EYS: variants seen among roughly 807,000 people sequenced by gnomAD.
EYS encodes protein eyes shut homolog.
A neutral mutation model predicts 282.1 loss-of-function variants in EYS; 250 were observed. That is an observed-to-expected ratio of 0.89 (90% confidence interval 0.80 to 0.98). The LOEUF (loss-of-function observed/expected upper bound fraction) is 0.98. Ranked by LOEUF, EYS falls within the 50% of genes least tolerant of loss-of-function variation. The probability of loss-of-function intolerance (pLI) is 0.00; values close to 1 mark genes in which losing one functional copy is unlikely to be tolerated. For synonymous variants in EYS, 1,355 were observed against 1,282.9 expected, an observed-to-expected ratio of 1.06 and a Z score of -1.20; for missense variants, 4,016 against 3,709.0, an observed-to-expected ratio of 1.08 and a Z score of -2.15.
At chr6:65,331,399 C>T (rs1037861357) in intron 11 of EYS, 2 of 781,704 alleles carry the variant, frequency 2.6e-6, no homozygotes, top group African/African-American at 1.8e-5. Context: ...AAACATTTTG[C>T]ATATCTTTTG....
intron 19 of EYS, among the ~76,000 whole-genome samples, chr6:64,850,889 A>G (rs1057318041): frequency 5.3e-5 from 8 of 152,094 alleles, no homozygotes; most frequent in African/African-American, 1.4e-4. Context: ...ACATAATTTT[A>G]TTGTAAATTT....
chr6:65,201,537 T>A (rs192370079), intron 12 of EYS, among the ~76,000 whole-genome samples: 1 of 152,186 alleles, frequency 6.6e-6, no homozygotes, highest in Non-Finnish European at 1.5e-5. Context: ...ACGTGGTGAA[T>A]AATGTCATCT....
chr6:64,346,126 T>C (rs940861476), intron 29 of EYS, among the ~76,000 whole-genome samples: 9 of 152,074 alleles, frequency 5.9e-5, no homozygotes, highest in African/African-American at 1.9e-4. Context: ...AGTTCAACCA[T>C]TGTGGAAGTC....
chr6:65,527,176 T>A (rs1767599747), intron 2 of EYS, among the ~76,000 whole-genome samples: 1 of 152,178 alleles, frequency 6.6e-6, no homozygotes, highest in Non-Finnish European at 1.5e-5. Flanking sequence ...AGCAACAACC[T>A]CTTGTGGCCT....
intron 26 of EYS, among the ~76,000 whole-genome samples, chr6:64,520,694 A>G (rs1179509334): frequency 2.0e-5 from 3 of 151,886 alleles, no homozygotes; most frequent in East Asian, 3.9e-4. Context: ...AAGATTTAGT[A>G]CAACATTTTA....
At position 64,703,429 on chromosome 6, in the gene EYS, A is replaced by ATTTTTTTTTTTTTTTT. The variant is rs1554194865; in HGVS notation, c.3444-77200_3444-77185dup. Among the ~76,000 whole-genome samples the ATTTTTTTTTTTTTTTT allele has an allele frequency of 2.1e-4, 5 of 23,362 alleles. 1 individual carries two copies. Among genetic ancestry groups the ATTTTTTTTTTTTTTTT allele is most frequent in the Non-Finnish European group, 4.5e-4 (4 of 8,980 alleles). 15.3% of individuals were successfully genotyped at this position (23,362 alleles called of 152,430 possible). A position where few individuals can be genotyped will look rare whatever the true frequency, so the allele number is the denominator to read the frequency against. ...CACACACATATATATATATATATAT[A>ATTTTTTTTTTTTTTTT]TTTTTTTTTTTTTTTTTTGAGATGG... is the stretch of plus-strand genomic sequence containing the variant. On this transcript the variant is annotated intron_variant, in intron 22 of 42. Coordinates refer to ENST00000503581, the MANE Select transcript of EYS (RefSeq NM_001142800.2).
At chr6:63,723,188 T>TA (rs572374543) in intron 42 of EYS, among the ~76,000 whole-genome samples, 51 of 152,336 alleles carry the variant, frequency 3.3e-4, no homozygotes, top group African/African-American at 1.2e-3. Flanking sequence ...AAAATTGTTT[T>TA]AAAAATTCAT....
At chr6:65,595,469 T>TA (rs200857384) in intron 2 of EYS, among the ~76,000 whole-genome samples, 34 of 147,248 alleles carry the variant, frequency 2.3e-4, no homozygotes, top group South Asian at 6.4e-4. Context: ...AAAGTATAAT[T>TA]AAAAAAAAAA....
chr6:65,271,132 A>ATATATATATATATATATATATATATT (rs1767890057), intron 12 of EYS, among the ~76,000 whole-genome samples: 1 of 110,666 alleles, frequency 9.0e-6, no homozygotes, highest in Admixed American at 8.8e-5. Context: ...AATAGATTAT[A>ATATATATATATATATATATATATATT]TATATATATA....
At chr6:64,297,387 C>CA (rs76441721) in intron 30 of EYS, among the ~76,000 whole-genome samples, 104,291 of 151,980 alleles carry the variant, frequency 0.69, 35,804 homozygotes, top group South Asian at 0.71. Flanking sequence ...CATCCATGCC[C>CA]AGGAAAGGGT....
intron 12 of EYS, among the ~76,000 whole-genome samples, chr6:65,070,635 A>C (rs1773875752): frequency 6.6e-6 from 1 of 151,672 alleles, no homozygotes; most frequent in South Asian, 2.1e-4. Flanking sequence ...CCTGTTACTA[A>C]CTATATCCCA....
chr6:65,311,024 A>G (rs1344068674), intron 11 of EYS, among the ~76,000 whole-genome samples: 9 of 152,092 alleles, frequency 5.9e-5, no homozygotes, highest in Non-Finnish European at 1.3e-4. Flanking sequence ...TATCTGTCAA[A>G]TGAATACGTA....
At chr6:64,301,852 C>T (rs1023588334) in intron 30 of EYS, among the ~76,000 whole-genome samples, 1 of 152,132 alleles carries the variant, frequency 6.6e-6, no homozygotes, top group Non-Finnish European at 1.5e-5. Context: ...TGGTGGAGAC[C>T]ACATAATTTC....
At chr6:64,303,981 C>T (rs1429500329) in intron 30 of EYS, among the ~76,000 whole-genome samples, 2 of 152,056 alleles carry the variant, frequency 1.3e-5, no homozygotes, top group East Asian at 3.9e-4. Context: ...CCCATGTGGT[C>T]CTAAGACCAA....
intron 12 of EYS, among the ~76,000 whole-genome samples, chr6:65,265,923 A>C (rs1418428957): frequency 6.6e-6 from 1 of 151,924 alleles, no homozygotes; most frequent in South Asian, 2.1e-4. Flanking sequence ...GAAATACAGA[A>C]TTTGATAATA....
chr6:65,533,761 G>A (rs180933871), intron 2 of EYS, among the ~76,000 whole-genome samples: 12 of 152,106 alleles, frequency 7.9e-5, no homozygotes, highest in African/African-American at 2.7e-4. Context: ...CTGGCACCTT[G>A]ATCTTGAATT....
At chr6:65,639,446 TTAA>T (rs1350421339) in intron 2 of EYS, among the ~76,000 whole-genome samples, 2 of 151,950 alleles carry the variant, frequency 1.3e-5, no homozygotes, top group Non-Finnish European at 2.9e-5. Context: ...AGAGATGCAT[TTAA>T]TAATGGATTA....
intron 22 of EYS, among the ~76,000 whole-genome samples, chr6:64,645,119 C>T (rs1241175718): frequency 6.6e-6 from 1 of 152,088 alleles, no homozygotes; most frequent in Non-Finnish European, 1.5e-5. Context: ...TACTGTTTAC[C>T]ATTTCTCTTT....
At chr6:64,802,935 C>G (rs544122178) in intron 22 of EYS, among the ~76,000 whole-genome samples, 9 of 152,308 alleles carry the variant, frequency 5.9e-5, no homozygotes, top group Non-Finnish European at 1.3e-4. Context: ...TGTGAAGACA[C>G]CAGCTGCTGT....
Sources: gnomAD v4.1 joint callset for allele counts (sites outside exome capture counted in the v4.1 genomes callset) on GRCh38, gnomAD v4.1.1 for gene constraint, MANE v1.5 for transcripts, NCBI Gene and HGNC (gene_info 2026-07-23, HGNC 2026-07-21) for gene names.